Variants in CGREF1 observed in about 807,000 individuals in gnomAD.
CGREF1 encodes cell growth regulator with EF-hand domain 1.
CGREF1 carries 16 observed loss-of-function variants against 17.4 expected under a neutral mutation model. The ratio of observed to expected loss-of-function variants is 0.92; its 90% confidence interval spans 0.62 to 1.40. The LOEUF (loss-of-function observed/expected upper bound fraction) is 1.40. CGREF1 is among the 40% of genes most tolerant of loss of function. The pLI is 0.00. For synonymous variants in CGREF1, 142 were observed against 154.6 expected, an observed-to-expected ratio of 0.92 and a Z score of 0.61; for missense variants, 296 against 376.4, an observed-to-expected ratio of 0.79 and a Z score of 1.77.
At position 27,102,602 on chromosome 2, in the gene CGREF1, A is replaced by G; in HGVS notation, c.81-11T>C. 1 of 1,609,236 alleles carries G rather than the reference A, an allele frequency of 6.2e-7. No homozygotes were observed. The highest frequency in any genetic ancestry group is 8.5e-7 in the Non-Finnish European group (1 of 1,179,298). On this transcript the variant is annotated splice_polypyrimidine_tract_variant and intron_variant, in intron 2 of 5. Coordinates refer to ENST00000402394, the MANE Select transcript of CGREF1 (RefSeq NM_006569.6). ...ACTTCAGAGTCTGGCCTGGAGGAGG[A>G]AGGGGAGGACCAGCCTTGCAGAGAG...
chr2:27,107,605 TAA>T (rs1671173883), intron 1 of CGREF1, among the ~76,000 whole-genome samples: 1 of 147,296 alleles, frequency 6.8e-6, no homozygotes, highest in Non-Finnish European at 1.5e-5. Flanking sequence ...GAGGAAGAAA[TAA>T]GAGTTTTCCG....
At chr2:27,113,008 G>T (rs1223922915) in intron 1 of CGREF1, among the ~76,000 whole-genome samples, 1 of 152,346 alleles carries the variant, frequency 6.6e-6, no homozygotes, top group African/African-American at 2.4e-5. Flanking sequence ...GAGCCGCAGA[G>T]ATGAGTGCCT....
At chr2:27,111,492 T>C (rs930331610) in intron 1 of CGREF1, among the ~76,000 whole-genome samples, 4 of 152,216 alleles carry the variant, frequency 2.6e-5, no homozygotes, top group Non-Finnish European at 4.4e-5. Context: ...GAGCTGCCTG[T>C]CAGTCCCACA....
chr2:27,106,686 A>G (rs1344197301), intron 1 of CGREF1, among the ~76,000 whole-genome samples: 1 of 152,034 alleles, frequency 6.6e-6, no homozygotes, highest in Non-Finnish European at 1.5e-5. Flanking sequence ...GCATGATATC[A>G]GCTCACTGCA....
intron 1 of CGREF1, among the ~76,000 whole-genome samples, chr2:27,111,183 G>A (rs1287625142): frequency 6.6e-6 from 1 of 152,182 alleles, no homozygotes; most frequent in Non-Finnish European, 1.5e-5. Context: ...TTTACAGAGA[G>A]CGGAGTGGTC....
chr2:27,106,956 T>C (rs1208411205), intron 1 of CGREF1, among the ~76,000 whole-genome samples: 2 of 152,130 alleles, frequency 1.3e-5, no homozygotes, highest in Non-Finnish European at 2.9e-5. Flanking sequence ...TAATGCTACC[T>C]GTATGGTCAG....
chr2:27,104,863 C>T, intron 1 of CGREF1: 1 of 1,360,444 alleles, frequency 7.4e-7, no homozygotes. Context: ...TAAAAACCCA[C>T]TGAAGAACAA....
intron 1 of CGREF1, among the ~76,000 whole-genome samples, chr2:27,108,217 T>G (rs1671211200): frequency 6.6e-6 from 1 of 151,982 alleles, no homozygotes; most frequent in Non-Finnish European, 1.5e-5. Flanking sequence ...ATCACCCCAC[T>G]GCGCTCCAGC....
At chr2:27,113,990 C>CTTTTT (rs60288087) in intron 1 of CGREF1, among the ~76,000 whole-genome samples, 14 of 102,342 alleles carry the variant, frequency 1.4e-4, no homozygotes, top group African/African-American at 2.3e-4. Flanking sequence ...TAGCAGGTGC[C>CTTTTT]TTTTTTTTTT....
chr2:27,109,885 C>CAAAAAAAA (rs55824603), intron 1 of CGREF1, among the ~76,000 whole-genome samples: 13 of 65,834 alleles, frequency 2.0e-4, no homozygotes, highest in Admixed American at 5.2e-4. Context: ...GACTCCGTCT[C>CAAAAAAAA]AAAAAAAAAA....
chr2:27,111,794 A>G (rs1055677453), intron 1 of CGREF1, among the ~76,000 whole-genome samples: 5 of 151,890 alleles, frequency 3.3e-5, no homozygotes, highest in African/African-American at 1.2e-4. Flanking sequence ...CCCACCCGGA[A>G]CTCGCGCTGG....
In CGREF1 at chr2:27,101,427, AT is replaced by A; in HGVS notation, c.803del (p.Asp268ValfsTer54). The A allele has an allele frequency of 1.4e-5, 22 of 1,553,132 alleles. No homozygotes were observed. Among genetic ancestry groups the A allele is most frequent in the East Asian group, 7.1e-5 (3 of 42,134 alleles). ...EAGGQAEAEG[D>X]APGPRGEAGG... ...CAGCTTCCCCTCTGGGCCCGGGGGC[AT>A]CTCCTTCAGCCTCTGCCTGGCCCCC... On this transcript the variant is annotated frameshift_variant, in exon 6 of 6. Coordinates refer to ENST00000402394, the MANE Select transcript of CGREF1 (RefSeq NM_006569.6). LOFTEE classifies it low-confidence loss of function (END_TRUNC).
chr2:27,103,997 A>T (rs1446009617), intron 2 of CGREF1, among the ~76,000 whole-genome samples: 1 of 152,040 alleles, frequency 6.6e-6, no homozygotes, highest in Admixed American at 6.5e-5. Flanking sequence ...ACAAACAAAC[A>T]AACAAACAAT....
chr2:27,112,902 G>A (rs1006544034), intron 1 of CGREF1, among the ~76,000 whole-genome samples: 1 of 152,192 alleles, frequency 6.6e-6, no homozygotes, highest in Admixed American at 6.6e-5. Flanking sequence ...GGCTTCCCGG[G>A]TCCCCAGAAG....
chr2:27,101,697 T>C lies in CGREF1; in HGVS notation c.534A>G (p.Arg178=). 6.2e-7 allele frequency: 1 copy of C among 1,614,230 alleles called. No homozygotes were observed. Among genetic ancestry groups the C allele is most frequent in the Non-Finnish European group, 8.5e-7 (1 of 1,180,046 alleles). The change falls in exon 6 of 6, where the codon AGA becomes AGG. Residue 178 remains arginine, a synonymous_variant. Coordinates refer to ENST00000402394, the MANE Select transcript of CGREF1 (RefSeq NM_006569.6). The stretch of plus-strand genomic sequence containing the variant: ...GACCAGGGGCTTCCTGTGTTTCTTG[T>C]CTTAATGGGCTTTTAGCTAATAGGG... ...RQSLLAKSPL[R]QETQEAPGPR...
intron 1 of CGREF1, among the ~76,000 whole-genome samples, chr2:27,107,622 G>A (rs1209632946): frequency 6.7e-6 from 1 of 148,538 alleles, no homozygotes; most frequent in Non-Finnish European, 1.5e-5. Context: ...TTTCCGGCCA[G>A]CAACAGTATG....
At position 27,100,806 on chromosome 2, in the gene CGREF1, A is replaced by T. The variant is rs1192189782; in HGVS notation, c.*468T>A. On this transcript the variant is annotated 3_prime_UTR_variant, in exon 6 of 6. Transcript: ENST00000402394. ...CTAGTGATGATTAATATTACTGGGG[A>T]TGGGGTCACCTGCCCTGAGCTGCAG... The T allele has an allele frequency of 2.7e-6, 3 of 1,117,908 alleles. No homozygotes were observed. The highest frequency in any genetic ancestry group is 3.3e-6 in the Non-Finnish European group (3 of 906,964). The allele number at this position is 1,117,908 out of a possible 1,614,324, so 69.2% of individuals were successfully genotyped here. A position where few individuals can be genotyped will look rare whatever the true frequency, so the allele number is the denominator to read the frequency against.
chr2:27,100,378 C>A (rs1278528901), downstream of CGREF1: 1 of 1,239,278 alleles, frequency 8.1e-7, no homozygotes, highest in East Asian at 5.6e-5. Flanking sequence ...CTCCCGCTGA[C>A]TGCCCCAGAG....
intron 2 of CGREF1, 60 bp downstream of exon 2, chr2:27,104,227 G>C (rs1671027927): frequency 6.7e-7 from 1 of 1,498,618 alleles, no homozygotes; most frequent in Non-Finnish European, 8.9e-7. Flanking sequence ...CCACACCCTT[G>C]GATTCTCTAG....
Sources: gnomAD v4.1 joint callset for allele counts (sites outside exome capture counted in the v4.1 genomes callset) on GRCh38, gnomAD v4.1.1 for gene constraint, MANE v1.5 for transcripts, NCBI Gene and HGNC (gene_info 2026-07-23, HGNC 2026-07-21) for gene names.